The following KLC1 variants were observed in gnomAD, a reference collection of about 807,000 sequenced individuals.
The protein encoded by KLC1 is kinesin 2 60/70kDa.
In KLC1, 30 loss-of-function variants were observed where a neutral mutation model predicts 84.2. The ratio of observed to expected loss-of-function variants is 0.36; its 90% CI spans 0.27 to 0.48. The LOEUF (loss-of-function observed/expected upper bound fraction) is 0.48, where lower values mean the gene tolerates loss of function less well. Among genes scored for constraint, KLC1 ranks in the 20% least tolerant of loss-of-function variants. The pLI is 0.99. For synonymous variants in KLC1, 289 were observed against 293.3 expected, an observed-to-expected ratio of 0.99 and a Z score of 0.15; for missense variants, 499 against 805.4, an observed-to-expected ratio of 0.62 and a Z score of 4.60.
chr14:103,667,572 G>A (rs1595449515), intron 5 of KLC1, among the ~76,000 whole-genome samples: 1 of 152,100 alleles, frequency 6.6e-6, no homozygotes, highest in African/African-American at 2.4e-5. Flanking sequence ...CTGAGCTCAG[G>A]CAGTCTGCCC....
Position 103,700,674 on chromosome 14 carries a change from CTT to C in KLC1, c.1872_1873del (p.Phe624LeufsTer65), listed in dbSNP as rs1366681975. On this transcript the variant is annotated frameshift_variant, in exon 16 of 17. Transcript: ENST00000334553. LOFTEE classifies it high-confidence loss of function. Reference sequence around the variant, plus strand: ...CTCCAGGGCGTCTCTGGCCGAGCCTCTTTTTGTGGAAAACGACAGCAGCAGCA... The same window carrying C: ...CTCCAGGGCGTCTCTGGCCGAGCCTCTTTGTGGAAAACGACAGCAGCAGCA... The C allele has an allele frequency of 6.2e-7, 1 of 1,607,640 alleles. No homozygotes were observed. Among genetic ancestry groups the C allele is most frequent in the African/African-American group, 1.3e-5 (1 of 74,464 alleles).
intron 1 of KLC1, among the ~76,000 whole-genome samples, chr14:103,641,688 C>T (rs1478004449): frequency 6.6e-6 from 1 of 151,980 alleles, no homozygotes; most frequent in African/African-American, 2.4e-5. Context: ...CCTCCGCCTC[C>T]TGGGTGCACT....
At chr14:103,660,642 A>T (rs1032671403) in intron 3 of KLC1, among the ~76,000 whole-genome samples, 2 of 151,760 alleles carry the variant, frequency 1.3e-5, no homozygotes, top group South Asian at 2.1e-4. Flanking sequence ...ATACAAAAAA[A>T]TTAGCTGGGT....
chr14:103,675,830 T>C lies in KLC1; in HGVS notation c.1379+74T>C, dbSNP rs185021153. 6 of 1,217,820 alleles carry C rather than the reference T, an allele frequency of 4.9e-6. No individual in the cohort carries two copies. In the East Asian group the frequency reaches 1.4e-4, roughly 28 times the overall value. The allele number at this position is 1,217,820 out of a possible 1,614,324, so 75.4% of individuals were successfully genotyped here. On this transcript the variant is annotated intron_variant, in intron 11 of 16. Coordinates refer to ENST00000334553, the MANE Select transcript of KLC1 (RefSeq NM_001394837.1). The stretch of plus-strand genomic sequence containing the variant: ...GGTAATTGTGTTCTACAGGGCAGCT[T>C]ATAAATGACCAATGTGTAGTGTTCC...
chr14:103,673,338 T>C lies in KLC1; in HGVS notation c.1168T>C (p.Cys390Arg), dbSNP rs1230790979. The C allele has an allele frequency of 1.3e-6, 2 of 1,593,882 alleles. No individual in the cohort carries two copies. Among genetic ancestry groups the C allele is most frequent in the Non-Finnish European group, 1.7e-6 (2 of 1,172,652 alleles). ...TATTTTATTTTATTTTAAGGCATCC[T>C]GCTATTTGAAACAAGGAAAGTTCAA... is the stretch of plus-strand genomic sequence containing the variant. ...VAKTKNNLAS[C>R]YLKQGKFKQA... The change falls in exon 9 of 17, where the codon TGC (cysteine) becomes CGC (arginine). Residue 390 changes from cysteine (C) to arginine (R), a missense_variant. Transcript: ENST00000334553.
At chr14:103,698,605 A>G (rs1178434969) in intron 15 of KLC1, 2 of 624,826 alleles carry the variant, frequency 3.2e-6, no homozygotes, top group African/African-American at 3.7e-5. Flanking sequence ...GAGAGGCAGA[A>G]CATCCCCCCA....
rs1344191630 is a variant in KLC1 at position 103,693,553 on chromosome 14, G to A, written c.1848+1128G>A. ...TTTTTCTATTTGTTTTTTCATGCAG[G>A]AACGAAATAATTGTCTGGCCGACTC... On this transcript the variant is annotated intron_variant, in intron 15 of 16. Coordinates refer to ENST00000334553, the MANE Select transcript of KLC1 (RefSeq NM_001394837.1). This position sits in a 1 kb window ranked among gnomAD's most constrained non-coding sequence, Gnocchi z 5.1. 1 of 1,536,036 alleles carries A rather than the reference G, an allele frequency of 6.5e-7. No homozygotes were observed. The highest frequency in any genetic ancestry group is 1.2e-5 in the South Asian group (1 of 84,036).
chr14:103,629,990 C>T (rs1480516294), intron 1 of KLC1, among the ~76,000 whole-genome samples: 2 of 152,104 alleles, frequency 1.3e-5, no homozygotes, highest in African/African-American at 2.4e-5. Context: ...TTCCTTCCAC[C>T]CCCGCCTCTC....
intron 5 of KLC1, among the ~76,000 whole-genome samples, chr14:103,663,683 A>G (rs2079496670): frequency 6.6e-6 from 1 of 152,028 alleles, no homozygotes; most frequent in Non-Finnish European, 1.5e-5. Context: ...ACCCCTGTTG[A>G]AGGACGCCCC....
rs753860643 is a variant in KLC1 at position 103,679,399 on chromosome 14, CACAA to C, written c.1508_1511del (p.Lys503ArgfsTer39). The C allele has an allele frequency of 6.2e-7, 1 of 1,613,288 alleles. No individual in the cohort carries two copies. Among genetic ancestry groups the C allele is most frequent in the South Asian group, 1.1e-5 (1 of 91,046 alleles). ...TGGCTCACAGGGTCTTGACAATGTT[CACAA>C]ACAGAGGGTGGCAGAAGTGCTCAAT... On this transcript the variant is annotated frameshift_variant, in exon 13 of 17. Coordinates refer to ENST00000334553, the MANE Select transcript of KLC1 (RefSeq NM_001394837.1). LOFTEE classifies it high-confidence loss of function.
Position 103,638,656 on chromosome 14 carries a change from A to ATT in KLC1, c.-2+9184_-2+9185dup, listed in dbSNP as rs57470429. 3.9e-3 allele frequency among the ~76,000 whole-genome samples: 390 copies of ATT among 100,098 alleles called. 6 individuals carry two copies. The highest frequency in any genetic ancestry group is 0.013 in the African/African-American group (358 of 26,810). The allele number at this position is 100,098 out of a possible 152,430, so 65.7% of individuals were successfully genotyped here. On this transcript the variant is annotated intron_variant, in intron 1 of 16. Coordinates refer to ENST00000334553, the MANE Select transcript of KLC1 (RefSeq NM_001394837.1). ...TCTGGCCTTTGCTTTCATTTCATTA[A>ATT]TTTTTTTTTTTTTTTTTTTTTTTGA...
chr14:103,696,735 T>TA (rs1427395505), intron 15 of KLC1: 1 of 985,370 alleles, frequency 1.0e-6, no homozygotes. Flanking sequence ...GGGAAGAACT[T>TA]AAGCGGTTTT....
chr14:103,677,340 T>C (rs1449261069), intron 11 of KLC1, 75 bp from the exon 12 acceptor site: 1 of 853,362 alleles, frequency 1.2e-6, no homozygotes, highest in Non-Finnish European at 2.0e-6. Context: ...GTTAGTTCTT[T>C]AGATTATGTG....
At chr14:103,674,779 A>G (rs1485601914) in intron 9 of KLC1, among the ~76,000 whole-genome samples, 1 of 152,102 alleles carries the variant, frequency 6.6e-6, no homozygotes, top group Non-Finnish European at 1.5e-5. Flanking sequence ...CTATTGTTTA[A>G]TGTTTTTGTT....
intron 3 of KLC1, 89 bp downstream of exon 3, chr14:103,657,865 A>G: frequency 1.2e-6 from 1 of 825,688 alleles, no homozygotes; most frequent in Non-Finnish European, 1.9e-6. Flanking sequence ...TATTCTTTTC[A>G]TATTAGAACA....
At chr14:103,647,845 C>T (rs2078067805) in intron 1 of KLC1, among the ~76,000 whole-genome samples, 1 of 145,896 alleles carries the variant, frequency 6.9e-6, no homozygotes, top group African/African-American at 2.5e-5. Flanking sequence ...AACTGCACTC[C>T]AGCCTGGCGA....
At chr14:103,679,781 C>CCTG in intron 13 of KLC1, 1 of 479,228 alleles carries the variant, frequency 2.1e-6, no homozygotes, top group Non-Finnish European at 3.7e-6. Flanking sequence ...CACTTAAATG[C>CCTG]TGATTGAGTG....
chr14:103,658,157 C>A (rs992125456), intron 3 of KLC1, among the ~76,000 whole-genome samples: 12 of 152,218 alleles, frequency 7.9e-5, no homozygotes, highest in African/African-American at 2.2e-4. Context: ...TCCCCTGGCC[C>A]TCTGGACACC....
Position 103,694,283 on chromosome 14 carries a change from ACT to A in KLC1, c.1848+1861_1848+1862del. On this transcript the variant is annotated intron_variant, in intron 15 of 16. Transcript: ENST00000334553. The surrounding 1 kb of genome is among the most constrained non-coding windows in gnomAD (Gnocchi z 4.5). ...TTTTTTTTTTTTGAGACGGAGTCTA[ACT>A]CTGTTGCCCAGGCTGGAGCGCAGTG... is the stretch of plus-strand genomic sequence containing the variant. 8.2e-6 allele frequency: 8 copies of A among 973,604 alleles called. No homozygotes were observed. The highest frequency in any genetic ancestry group is 9.7e-6 in the Non-Finnish European group (8 of 823,504). 60.3% of individuals were successfully genotyped at this position (973,604 alleles called of 1,614,324 possible).
Sources: allele counts gnomAD v4.1 joint callset (sites outside exome capture counted in the v4.1 genomes callset), GRCh38; gene constraint gnomAD v4.1.1; non-coding constraint Gnocchi (gnomAD v3.1); transcripts MANE v1.5; gene names NCBI Gene and HGNC (gene_info 2026-07-23, HGNC 2026-07-21).